The following ANKRD6 variants were observed in gnomAD, a reference collection of about 807,000 sequenced individuals.
The protein encoded by ANKRD6 is ankyrin repeat domain-containing protein 6.
A neutral mutation model predicts 82.3 loss-of-function variants in ANKRD6; 56 were observed. The observed-to-expected ratio is 0.68, with a 90% CI of 0.55 to 0.85. The LOEUF (loss-of-function observed/expected upper bound fraction) is 0.85, where lower values mean the gene tolerates loss of function less well. Among genes scored for constraint, ANKRD6 ranks in the 40% least tolerant of loss-of-function variants. The pLI is 0.00. For synonymous variants in ANKRD6, 347 were observed against 352.1 expected (o/e 0.99, Z 0.16); for missense variants, 852 against 907.6 (o/e 0.94, Z 0.79).
In ANKRD6 at chr6:89,631,213, G is replaced by C; in HGVS notation, c.*209G>C. On this transcript the variant is annotated 3_prime_UTR_variant, in exon 16 of 16. Transcript: ENST00000339746. ...ATTAAACTGAAACCAGGGGAAGCTT[G>C]CTTAGTTTTGGGTTTCATTATAAAC... The C allele has an allele frequency of 1.1e-6, 1 of 936,624 alleles. No individual in the cohort carries two copies. Among genetic ancestry groups the C allele is most frequent in the Non-Finnish European group, 1.4e-6 (1 of 694,670 alleles). The allele number at this position is 936,624 out of a possible 1,614,324, so 58.0% of individuals were successfully genotyped here.
chr6:89,624,015 G>C lies in ANKRD6; in HGVS notation c.1176G>C (p.Gln392His), dbSNP rs189116801. 6.2e-7 allele frequency: 1 copy of C among 1,607,390 alleles called. No individual in the cohort carries two copies. Among genetic ancestry groups the C allele is most frequent in the Non-Finnish European group, 8.5e-7 (1 of 1,175,134 alleles). Reference protein sequence around the residue: ...PPPPHEFRAYQLYTLYRGKDG... With the variant: ...PPPPHEFRAYHLYTLYRGKDG... ...CACCCCATGAGTTCAGGGCGTATCA[G>C]CTCTACACATTGTACCGGGGCAAGG... Residue 392 changes from glutamine to histidine, a missense_variant, in exon 12 of 16, where the codon CAG (glutamine) becomes CAC (histidine). By Grantham distance (24) the Gln-to-His change is conservative (BLOSUM62 0). Transcript: ENST00000339746.
chr6:89,440,559 C>T (rs967268927), intron 1 of ANKRD6, among the ~76,000 whole-genome samples: 7 of 152,122 alleles, frequency 4.6e-5, no homozygotes, highest in Admixed American at 2.0e-4. Flanking sequence ...CAGTTGCCTT[C>T]GGCTCAAAAT....
rs548924275 is a variant in ANKRD6, at chr6:89,459,576, T to C, written c.-144+26201T>C. On this transcript the variant is annotated intron_variant, in intron 1 of 15. Transcript: ENST00000339746. ...AGGGTTAGGGTTGTTTTAAGCTCAC[T>C]GCAGCCTTTAACTCCTGGGCTCAAG... Among the ~76,000 whole-genome samples the C allele has an allele frequency of 1.2e-3, 162 of 137,756 alleles. 1 individual carries two copies. The highest frequency in any genetic ancestry group is 4.2e-3 in the African/African-American group (154 of 37,052). The allele number at this position is 137,756 out of a possible 152,430, so 90.4% of individuals were successfully genotyped here. A position where few individuals can be genotyped will look rare whatever the true frequency, so the allele number is the denominator to read the frequency against.
intron 3 of ANKRD6, among the ~76,000 whole-genome samples, chr6:89,597,917 C>G (rs1408981674): frequency 6.6e-6 from 1 of 152,108 alleles, no homozygotes; most frequent in Non-Finnish European, 1.5e-5. Flanking sequence ...CTGTTGATGA[C>G]CAGCCTTGAA....
chr6:89,585,560 A>G (rs564621334), intron 2 of ANKRD6, among the ~76,000 whole-genome samples: 1 of 152,392 alleles, frequency 6.6e-6, no homozygotes, highest in South Asian at 2.1e-4. Flanking sequence ...CAGAAAACTT[A>G]GTCTAATTAG....
At chr6:89,501,529 G>A (rs2127890754) in intron 1 of ANKRD6, among the ~76,000 whole-genome samples, 1 of 152,336 alleles carries the variant, frequency 6.6e-6, no homozygotes, top group African/African-American at 2.4e-5. Context: ...AGAATGCTAG[G>A]CTTATTCACA....
intron 2 of ANKRD6, among the ~76,000 whole-genome samples, chr6:89,569,887 C>T (rs1241010656): frequency 6.6e-6 from 1 of 152,186 alleles, no homozygotes; most frequent in Non-Finnish European, 1.5e-5. Flanking sequence ...AGCCCAGTCC[C>T]ATTTACACTC....
intron 1 of ANKRD6, among the ~76,000 whole-genome samples, chr6:89,542,116 A>G (rs1784512820): frequency 6.6e-6 from 1 of 152,134 alleles, no homozygotes; most frequent in African/African-American, 2.4e-5. Flanking sequence ...TAAAATAGTG[A>G]CAGGTTAGAA....
At chr6:89,438,167 A>G (rs1263228862) in intron 1 of ANKRD6, among the ~76,000 whole-genome samples, 4 of 152,236 alleles carry the variant, frequency 2.6e-5, no homozygotes, top group Non-Finnish European at 2.9e-5. Flanking sequence ...TATATTCTGT[A>G]TGCTGTAAGG....
chr6:89,607,481 T>C (rs1293637349), intron 5 of ANKRD6, among the ~76,000 whole-genome samples: 1 of 152,284 alleles, frequency 6.6e-6, no homozygotes, highest in East Asian at 1.9e-4. Flanking sequence ...ATAGTACATG[T>C]CCCAGTGCTT....
intron 2 of ANKRD6, among the ~76,000 whole-genome samples, chr6:89,584,811 T>C (rs1793351396): frequency 6.6e-6 from 1 of 152,210 alleles, no homozygotes; most frequent in Non-Finnish European, 1.5e-5. Context: ...TTCACAGTTT[T>C]GTAGGATGGG....
Position 89,624,555 on chromosome 6 carries a change from G to T in ANKRD6, c.1235G>T (p.Cys412Phe), listed in dbSNP as rs779755673. 2 of 1,552,942 alleles carry T rather than the reference G, an allele frequency of 1.3e-6. No homozygotes were observed. The highest frequency in any genetic ancestry group is 8.7e-7 in the Non-Finnish European group (1 of 1,147,490). The part of the protein sequence containing the change: ...GKVMQAPING[C>F]RCEPLINKLE... The stretch of plus-strand genomic sequence containing the variant: ...CTCTCTTAGGCACCAATAAATGGTT[G>T]TCGATGTGAACCTCTAATCAACAAG... The change falls in exon 13 of 16, where the codon TGT becomes TTT. Residue 412 changes from cysteine (C) to phenylalanine (F), a missense_variant. By Grantham distance (205) the Cys-to-Phe change is radical (BLOSUM62 -2). Transcript: ENST00000339746.
rs1795789899 is a variant in ANKRD6, at chr6:89,595,935, A to C, written c.140A>C (p.His47Pro). The C allele has an allele frequency of 1.2e-6, 2 of 1,609,664 alleles. No homozygotes were observed. Among genetic ancestry groups the C allele is most frequent in the African/African-American group, 1.3e-5 (1 of 74,892 alleles). ...TCACAGCATGGCCGGACTCCCCTGC[A>C]TCTTGCTGCCAATAAGGGCCATCTT... ...AVTKHGRTPL[H>P]LAANKGHLPV... The change falls in exon 3 of 16, where the codon CAT becomes CCT. Residue 47 changes from histidine to proline, a missense_variant. Physicochemically the swap from His to Pro is moderately conservative, Grantham distance 77. Transcript: ENST00000339746.
At chr6:89,481,034 A>G (rs1344430553) in intron 1 of ANKRD6, among the ~76,000 whole-genome samples, 1 of 152,134 alleles carries the variant, frequency 6.6e-6, no homozygotes, top group Non-Finnish European at 1.5e-5. Context: ...TAAGTATCCC[A>G]TAATCCTACC....
intron 2 of ANKRD6, among the ~76,000 whole-genome samples, chr6:89,580,929 A>G (rs1044792362): frequency 6.6e-6 from 1 of 152,160 alleles, no homozygotes; most frequent in Non-Finnish European, 1.5e-5. Context: ...TGTATATAGC[A>G]TGCTCCTTCC....
chr6:89,470,331 T>C (rs1486604546), intron 1 of ANKRD6, among the ~76,000 whole-genome samples: 1 of 152,196 alleles, frequency 6.6e-6, no homozygotes, highest in Admixed American at 6.6e-5. Flanking sequence ...TCAAAAATGA[T>C]TAATAGGCCA....
intron 5 of ANKRD6, among the ~76,000 whole-genome samples, chr6:89,610,884 G>A (rs1186706471): frequency 6.6e-6 from 1 of 151,866 alleles, no homozygotes; most frequent in Non-Finnish European, 1.5e-5. Context: ...TTCCCGGAAT[G>A]TGGGACTTTC....
chr6:89,465,973 A>G (rs1050229111), intron 1 of ANKRD6, among the ~76,000 whole-genome samples: 92 of 152,340 alleles, frequency 6.0e-4, no homozygotes, highest in African/African-American at 2.1e-3. Context: ...ATACATATTC[A>G]TTGTAGAAAA....
At chr6:89,560,291 G>T (rs1787206465) in intron 1 of ANKRD6, among the ~76,000 whole-genome samples, 1 of 152,192 alleles carries the variant, frequency 6.6e-6, no homozygotes, top group African/African-American at 2.4e-5. Context: ...TCGGGTGATG[G>T]CTGTCTTCTT....
Sources: gnomAD v4.1 joint callset for allele counts (sites outside exome capture counted in the v4.1 genomes callset) on GRCh38, gnomAD v4.1.1 for gene constraint, MANE v1.5 for transcripts, NCBI Gene and HGNC (gene_info 2026-07-23, HGNC 2026-07-21) for gene names.